Variants in CTNNA3 observed in about 807,000 individuals in gnomAD.
CTNNA3 encodes the protein catenin alpha-3.
In CTNNA3, 76 loss-of-function variants were observed where a neutral mutation model predicts 95.7. The ratio of observed to expected loss-of-function variants is 0.79; its 90% CI spans 0.66 to 0.96. The LOEUF is 0.96. CTNNA3 is among the 40% of genes least tolerant of loss of function. The pLI, the probability that CTNNA3 is intolerant of heterozygous loss-of-function variation, is 0.00. For synonymous variants in CTNNA3, 431 were observed against 374.4 expected, an observed-to-expected ratio of 1.15 and a Z score of -1.74; for missense variants, 1,191 against 1,089.8, an observed-to-expected ratio of 1.09 and a Z score of -1.31.
At chr10:67,682,218 T>G (rs1840640556) in intron 1 of CTNNA3, among the ~76,000 whole-genome samples, 1 of 151,114 alleles carries the variant, frequency 6.6e-6, no homozygotes, top group African/African-American at 2.4e-5. Context: ...TCCCAGCTAC[T>G]TGGGAGGCTG....
At chr10:66,065,907 A>G (rs1372190220) in intron 15 of CTNNA3, among the ~76,000 whole-genome samples, 2 of 152,098 alleles carry the variant, frequency 1.3e-5, no homozygotes, top group Non-Finnish European at 2.9e-5. Context: ...CTTGTTGCCC[A>G]GGCTGATATG....
Position 66,055,748 on chromosome 10 carries a change from C to A in CTNNA3, c.2159+13560G>T, listed in dbSNP as rs181985706. On this transcript the variant is annotated intron_variant, in intron 15 of 17. Transcript: ENST00000433211. Reference sequence around the variant, plus strand: ...ACCAGCCTGACTAACATGGTGAAACCCCATCTCTACTAAAAATACAGAAAT... The same window carrying A: ...ACCAGCCTGACTAACATGGTGAAACACCATCTCTACTAAAAATACAGAAAT... 2.9e-3 allele frequency among the ~76,000 whole-genome samples: 435 copies of A among 151,662 alleles called. 2 individuals are homozygous for A. Among genetic ancestry groups the A allele is most frequent in the African/African-American group, 0.01 (416 of 41,356 alleles).
intron 11 of CTNNA3, among the ~76,000 whole-genome samples, chr10:66,470,936 G>A (rs1839106648): frequency 6.6e-6 from 1 of 151,856 alleles, no homozygotes; most frequent in African/African-American, 2.4e-5. Flanking sequence ...AGTGAGAGAA[G>A]CTTGCCATCA....
At chr10:66,340,250 C>T (rs2092439987) in intron 12 of CTNNA3, among the ~76,000 whole-genome samples, 1 of 151,760 alleles carries the variant, frequency 6.6e-6, no homozygotes, top group Non-Finnish European at 1.5e-5. Flanking sequence ...CAAAAAGTCA[C>T]ATTCAGTATA....
intron 7 of CTNNA3, among the ~76,000 whole-genome samples, chr10:66,815,713 T>A (rs147079109): frequency 1.3e-5 from 2 of 152,236 alleles, no homozygotes; most frequent in East Asian, 3.9e-4. Flanking sequence ...ATATTTAAAC[T>A]GCTAAAATTA....
intron 1 of CTNNA3, among the ~76,000 whole-genome samples, chr10:67,655,766 G>T (rs899237423): frequency 5.7e-5 from 8 of 141,582 alleles, no homozygotes; most frequent in African/African-American, 2.2e-4. Flanking sequence ...TCGTGAAACA[G>T]AGCGAGACTC....
intron 7 of CTNNA3, among the ~76,000 whole-genome samples, chr10:66,924,699 T>C (rs1051577832): frequency 2.0e-5 from 3 of 152,210 alleles, no homozygotes; most frequent in African/African-American, 7.2e-5. Flanking sequence ...CAAGTACAAA[T>C]AAAGTTAATA....
intron 15 of CTNNA3, among the ~76,000 whole-genome samples, chr10:66,018,368 G>T (rs1251499363): frequency 6.6e-6 from 1 of 151,956 alleles, no homozygotes; most frequent in African/African-American, 2.4e-5. Flanking sequence ...TTTGAAGTTT[G>T]CATACAAACT....
chr10:67,460,164 A>T (rs941563026), intron 5 of CTNNA3, among the ~76,000 whole-genome samples: 1 of 152,144 alleles, frequency 6.6e-6, no homozygotes, highest in Non-Finnish European at 1.5e-5. Context: ...TGTCCAGGAG[A>T]TAGGCAAAGA....
intron 1 of CTNNA3, chr10:67,750,956 AC>A (rs1283159355): frequency 1.2e-6 from 2 of 1,604,310 alleles, no homozygotes; most frequent in African/African-American, 2.7e-5. Flanking sequence ...AAGCCAGAGG[AC>A]CCTTCCCTGC....
chr10:66,441,761 T>C (rs1463885643), intron 11 of CTNNA3, among the ~76,000 whole-genome samples: 1 of 152,208 alleles, frequency 6.6e-6, no homozygotes, highest in African/African-American at 2.4e-5. Context: ...TAGCTGGAAA[T>C]AGATAACATT....
intron 5 of CTNNA3, among the ~76,000 whole-genome samples, chr10:67,403,752 C>T (rs1845019151): frequency 6.6e-6 from 1 of 152,204 alleles, no homozygotes; most frequent in African/African-American, 2.4e-5. Context: ...TCCCATTCCT[C>T]CTGACTAGGT....
intron 9 of CTNNA3, among the ~76,000 whole-genome samples, chr10:66,718,421 C>T (rs768290649): frequency 2.6e-4 from 40 of 151,962 alleles, no homozygotes; most frequent in Admixed American, 9.8e-4. Flanking sequence ...TAATTGACTA[C>T]AGTGGAGTCA....
chr10:67,493,682 T>C (rs950914877), intron 5 of CTNNA3, among the ~76,000 whole-genome samples: 1 of 152,164 alleles, frequency 6.6e-6, no homozygotes, highest in African/African-American at 2.4e-5. Flanking sequence ...TGATACTTAA[T>C]GGAAATAGAA....
intron 15 of CTNNA3, among the ~76,000 whole-genome samples, chr10:66,031,386 T>C (rs571145053): frequency 1.3e-5 from 2 of 152,186 alleles, no homozygotes; most frequent in Non-Finnish European, 2.9e-5. Context: ...TAAAAAAGAA[T>C]GAAATCATAT....
intron 9 of CTNNA3, among the ~76,000 whole-genome samples, chr10:66,623,849 A>C (rs183244507): frequency 1.3e-5 from 2 of 152,258 alleles, no homozygotes; most frequent in African/African-American, 2.4e-5. Flanking sequence ...AATTTGAATG[A>C]TTTTATGACA....
At chr10:66,460,751 T>C (rs1258428117) in intron 11 of CTNNA3, among the ~76,000 whole-genome samples, 1 of 152,206 alleles carries the variant, frequency 6.6e-6, no homozygotes, top group Non-Finnish European at 1.5e-5. Context: ...TTTCATCTTC[T>C]TCCTGAGTGG....
At chr10:67,540,972 T>C (rs1048337508) in intron 3 of CTNNA3, among the ~76,000 whole-genome samples, 3 of 151,896 alleles carry the variant, frequency 2.0e-5, no homozygotes, top group African/African-American at 7.2e-5. Context: ...TAATATAAAA[T>C]AATAAACCTA....
In CTNNA3 at chr10:66,434,156, G is replaced by C. The variant is rs914127499; in HGVS notation, c.1532-54804C>G. Among the ~76,000 whole-genome samples, 8 of 127,290 alleles carry C rather than the reference G, an allele frequency of 6.3e-5. No homozygotes were observed. In the South Asian group the frequency reaches 2.2e-3, roughly 35 times the overall value. The allele number at this position is 127,290 out of a possible 152,430, so 83.5% of individuals were successfully genotyped here. ...TTTTTGGTTCCATATGAACTTTAAA[G>C]TAGTTTTTTTCTAATTCTGTGAAAA... On this transcript the variant is annotated intron_variant, in intron 11 of 17. Transcript: ENST00000433211.
Sources: allele counts gnomAD v4.1 joint callset (sites outside exome capture counted in the v4.1 genomes callset), GRCh38; gene constraint gnomAD v4.1.1; transcripts MANE v1.5; gene names NCBI Gene and HGNC (gene_info 2026-07-23, HGNC 2026-07-21).